The following CAMK2D variants were observed in gnomAD, a reference collection of about 807,000 sequenced individuals.
CAMK2D encodes the protein calcium/calmodulin dependent protein kinase II delta.
Under a neutral mutation model 84.0 loss-of-function variants are expected in CAMK2D, and 37 were observed. That is an observed-to-expected ratio of 0.44 (90% CI 0.34 to 0.58). The LOEUF is 0.58. Among genes scored for constraint, CAMK2D ranks in the 20% least tolerant of loss-of-function variants. The pLI, the probability that CAMK2D is intolerant of heterozygous loss-of-function variation, is 0.02. For synonymous variants in CAMK2D, 202 were observed against 212.5 expected (o/e 0.95, Z 0.43); for missense variants, 448 against 652.5 (o/e 0.69, Z 3.41).
intron 17 of CAMK2D, among the ~76,000 whole-genome samples, chr4:113,462,241 T>A (rs1432221846): frequency 6.6e-6 from 1 of 151,260 alleles, no homozygotes; most frequent in Non-Finnish European, 1.5e-5. Context: ...TACCCAGCCA[T>A]GAAAAAGAGT....
At chr4:113,727,472 T>TG (rs1416893770) in intron 2 of CAMK2D, among the ~76,000 whole-genome samples, 1 of 151,500 alleles carries the variant, frequency 6.6e-6, no homozygotes, top group Admixed American at 6.6e-5. Flanking sequence ...TGGACAAACA[T>TG]GAAAAAAAAA....
chr4:113,624,227 G>A (rs1051481883), intron 3 of CAMK2D, among the ~76,000 whole-genome samples: 4 of 152,144 alleles, frequency 2.6e-5, no homozygotes, highest in African/African-American at 9.7e-5. Context: ...GATTTGATAT[G>A]TAACAGGTAA....
intron 3 of CAMK2D, among the ~76,000 whole-genome samples, chr4:113,651,036 G>T (rs2099170506): frequency 6.6e-6 from 1 of 152,134 alleles, no homozygotes; most frequent in South Asian, 2.1e-4. Flanking sequence ...AATCTTTGGA[G>T]ACTGAATTAT....
At chr4:113,462,988 C>T (rs554000334) in intron 17 of CAMK2D, among the ~76,000 whole-genome samples, 34 of 152,144 alleles carry the variant, frequency 2.2e-4, no homozygotes, top group East Asian at 3.8e-4. Context: ...TAATAGGGAA[C>T]GGTTGTCTCT....
chr4:113,616,844 C>T (rs1207557892), intron 3 of CAMK2D, among the ~76,000 whole-genome samples: 4 of 152,006 alleles, frequency 2.6e-5, no homozygotes, highest in Non-Finnish European at 4.4e-5. Flanking sequence ...TATCTGGAAA[C>T]ATTCTTTGTT....
At chr4:113,680,999 T>C (rs1360772478) in intron 2 of CAMK2D, among the ~76,000 whole-genome samples, 2 of 152,192 alleles carry the variant, frequency 1.3e-5, no homozygotes, top group Non-Finnish European at 2.9e-5. Flanking sequence ...AGGATTTCTG[T>C]AATTTTCCTA....
intron 7 of CAMK2D, 66 bp downstream of exon 7, chr4:113,537,275 G>T: frequency 1.3e-6 from 1 of 772,214 alleles, no homozygotes; most frequent in Non-Finnish European, 2.2e-6. Context: ...CTAGGAAGTG[G>T]GATTAGGAGC....
intron 4 of CAMK2D, among the ~76,000 whole-genome samples, chr4:113,579,882 T>C (rs2098800302): frequency 6.6e-6 from 1 of 152,224 alleles, no homozygotes; most frequent in Non-Finnish European, 1.5e-5. Flanking sequence ...AGCCACTGTT[T>C]GAAAAAGTCA....
chr4:113,506,432 A>G (rs142540416), intron 13 of CAMK2D, among the ~76,000 whole-genome samples: 164 of 152,314 alleles, frequency 1.1e-3, no homozygotes, highest in African/African-American at 3.8e-3. Context: ...ATCAATCTAT[A>G]TTCTGCAGAT....
chr4:113,494,802 C>T (rs1283124668), intron 16 of CAMK2D, among the ~76,000 whole-genome samples: 14 of 152,012 alleles, frequency 9.2e-5, no homozygotes, highest in East Asian at 3.9e-4. Context: ...ACTCCGTGGG[C>T]GTAGGACCCT....
intron 4 of CAMK2D, among the ~76,000 whole-genome samples, chr4:113,565,540 A>T (rs2098719030): frequency 6.6e-6 from 1 of 151,988 alleles, no homozygotes; most frequent in South Asian, 2.1e-4. Flanking sequence ...AATCCCAGCT[A>T]CTCAGGAGGT....
intron 3 of CAMK2D, among the ~76,000 whole-genome samples, chr4:113,619,890 A>G (rs894183497): frequency 2.0e-5 from 3 of 152,170 alleles, no homozygotes; most frequent in Non-Finnish European, 4.4e-5. Flanking sequence ...AGATTGCTGA[A>G]AGAGAGAATA....
chr4:113,690,894 T>C (rs1376175114), intron 2 of CAMK2D, among the ~76,000 whole-genome samples: 1 of 152,242 alleles, frequency 6.6e-6, no homozygotes, highest in African/African-American at 2.4e-5. Flanking sequence ...TTCTGAACAC[T>C]TCTCTTGATA....
At chr4:113,533,165 T>C (rs2098469201) in intron 7 of CAMK2D, among the ~76,000 whole-genome samples, 1 of 152,126 alleles carries the variant, frequency 6.6e-6, no homozygotes, top group African/African-American at 2.4e-5. Context: ...ATATAAATTA[T>C]TACAAACCTC....
chr4:113,754,883 G>A (rs2099624953), intron 2 of CAMK2D: 1 of 983,114 alleles, frequency 1.0e-6, no homozygotes, highest in African/African-American at 1.8e-5. Context: ...GAGATTCTAT[G>A]TACAAATATA....
intron 16 of CAMK2D, among the ~76,000 whole-genome samples, chr4:113,492,449 G>C (rs1442584019): frequency 6.6e-6 from 1 of 152,164 alleles, no homozygotes; most frequent in East Asian, 1.9e-4. Flanking sequence ...TAGTTGAGCG[G>C]TTTTGAGTGA....
intron 4 of CAMK2D, among the ~76,000 whole-genome samples, chr4:113,580,730 C>G (rs1411124268): frequency 6.6e-6 from 1 of 152,066 alleles, no homozygotes; most frequent in Non-Finnish European, 1.5e-5. Context: ...ATAATGGCAA[C>G]TACTTCATAA....
intron 2 of CAMK2D, among the ~76,000 whole-genome samples, chr4:113,678,309 A>G (rs770017410): frequency 6.6e-6 from 1 of 152,164 alleles, no homozygotes; most frequent in Non-Finnish European, 1.5e-5. Context: ...AACCTTACTG[A>G]CATTAGTTTC....
chr4:113,488,888 C>G (rs1040553974), intron 16 of CAMK2D, among the ~76,000 whole-genome samples: 1 of 151,984 alleles, frequency 6.6e-6, no homozygotes, highest in Non-Finnish European at 1.5e-5. Context: ...ACAGTTTGAC[C>G]CTGTATTTTG....
Sources: allele counts gnomAD v4.1 joint callset (sites outside exome capture counted in the v4.1 genomes callset), GRCh38; gene constraint gnomAD v4.1.1; transcripts MANE v1.5; gene names NCBI Gene and HGNC (gene_info 2026-07-23, HGNC 2026-07-21).